MYBPH: variants seen among roughly 807,000 people sequenced by gnomAD.
The protein encoded by MYBPH is myosin binding protein H.
In MYBPH, 49 loss-of-function variants were observed where a neutral mutation model predicts 53.6. That is an observed-to-expected ratio of 0.91 (90% CI 0.73 to 1.16). The LOEUF (loss-of-function observed/expected upper bound fraction) is 1.16. MYBPH is among the 50% of genes most tolerant of loss of function. The probability of loss-of-function intolerance (pLI) is 0.00; values close to 1 mark genes in which losing one functional copy is unlikely to be tolerated. For synonymous variants in MYBPH, 239 were observed against 249.6 expected (o/e 0.96, Z 0.40); for missense variants, 558 against 624.1 (o/e 0.89, Z 1.13).
chr1:203,173,927 C>A (rs769703852), intron 3 of MYBPH, among the ~76,000 whole-genome samples: 12 of 152,244 alleles, frequency 7.9e-5, no homozygotes, highest in Non-Finnish European at 1.5e-4. Context: ...GAGGTATGCC[C>A]TCTGCAATGG....
At chr1:203,170,928 T>C (rs1655681986) in intron 6 of MYBPH, 133 bp downstream of exon 6, 1 of 1,263,144 alleles carries the variant, frequency 7.9e-7, no homozygotes, top group East Asian at 2.5e-5. Flanking sequence ...AAGGGCCTCC[T>C]AGGGAGTCAG....
At chr1:203,179,008 C>T (rs1286531900), upstream of MYBPH, 1 of 158,022 alleles carries the variant, frequency 6.3e-6, no homozygotes, top group Non-Finnish European at 1.4e-5. Flanking sequence ...CGATTACGTT[C>T]CTAAGTGAAG....
chr1:203,175,881 A>C (rs574932721), upstream of MYBPH: 5 of 928,928 alleles, frequency 5.4e-6, no homozygotes, highest in African/African-American at 6.6e-5. Flanking sequence ...CACCCCCAGC[A>C]AACGATTCCC....
At chr1:203,168,753 C>T (rs1655635071) in intron 9 of MYBPH, 78 bp from the exon 10 acceptor site, 2 of 1,603,150 alleles carry the variant, frequency 1.2e-6, no homozygotes, top group African/African-American at 1.3e-5. Flanking sequence ...CCCTCTTCTA[C>T]ACCTGTCCAC....
upstream of MYBPH, among the ~76,000 whole-genome samples, chr1:203,178,113 T>G (rs914212612): frequency 2.6e-5 from 4 of 152,246 alleles, no homozygotes; most frequent in Non-Finnish European, 5.9e-5. Context: ...GGTGAGTATC[T>G]GGAGCCTTTT....
upstream of MYBPH, among the ~76,000 whole-genome samples, chr1:203,176,415 G>A (rs1655810999): frequency 6.6e-6 from 1 of 152,150 alleles, no homozygotes; most frequent in South Asian, 2.1e-4. Flanking sequence ...CCAGGAAGGG[G>A]CACTAAGTCT....
rs1655763848 is a variant in MYBPH, at chr1:203,174,606, A to T, written c.341-9T>A. ...AGGCACCCACTCCGAGGCTGAGGGG[A>T]TGGAGAGAGTGTGAGGTCTTTGCAA... On this transcript the variant is annotated splice_polypyrimidine_tract_variant and intron_variant, in intron 2 of 10. Coordinates refer to ENST00000255416, the MANE Select transcript of MYBPH (RefSeq NM_004997.3). 6.3e-7 allele frequency: 1 copy of T among 1,585,460 alleles called. No individual in the cohort carries two copies. Among genetic ancestry groups the T allele is most frequent in the East Asian group, 2.3e-5 (1 of 44,056 alleles).
upstream of MYBPH, among the ~76,000 whole-genome samples, chr1:203,177,448 C>A (rs1289913666): frequency 1.3e-5 from 2 of 152,238 alleles, no homozygotes; most frequent in East Asian, 3.8e-4. Flanking sequence ...GCATGCTCTT[C>A]CCTTTCCTGA....
intron 2 of MYBPH, 120 bp from the exon 3 acceptor site, chr1:203,174,717 C>T: frequency 8.8e-7 from 1 of 1,141,174 alleles, no homozygotes; most frequent in Non-Finnish European, 1.2e-6. Context: ...GCCTCATTTT[C>T]CCCTTGTTTG....
chr1:203,168,931 A>G lies in MYBPH; in HGVS notation c.1392T>C (p.Ser464=). 6.2e-7 allele frequency: 1 copy of G among 1,614,030 alleles called. No individual in the cohort carries two copies. Among genetic ancestry groups the G allele is most frequent in the Non-Finnish European group, 8.5e-7 (1 of 1,180,012 alleles). Residue 464 remains serine (S), a synonymous_variant, in exon 9 of 11, where the codon TCT becomes TCC. Coordinates refer to ENST00000255416, the MANE Select transcript of MYBPH (RefSeq NM_004997.3). ...CKAINVLGEA[S]VDCRLEVKAS... is the part of the protein sequence containing the mutation. ...CTTTGACCTCCAGCCGGCAGTCCAC[A>G]GATGCCTCCCCCAGCACATTTATGG... is the stretch of plus-strand genomic sequence containing the variant.
upstream of MYBPH, among the ~76,000 whole-genome samples, chr1:203,176,860 G>T (rs569446119): frequency 6.6e-6 from 1 of 152,126 alleles, no homozygotes; most frequent in Non-Finnish European, 1.5e-5. Flanking sequence ...TGACCCAGCC[G>T]TGCCGCTCAT....
Position 203,175,364 on chromosome 1 carries a change from GCCCAGCCTC to G in MYBPH, c.294_302del (p.Arg99_Gly101del). On this transcript the variant is annotated inframe_deletion, in exon 2 of 11. Transcript: ENST00000255416. ...AGAGCTCCAGCACATAGCCCTGGAG[GCCCAGCCTC>G]CCCAGCCTCTCTGGGGGCTCCCAGC... 1 of 1,527,706 alleles carries G rather than the reference GCCCAGCCTC, an allele frequency of 6.5e-7. No individual in the cohort carries two copies. The highest frequency in any genetic ancestry group is 8.8e-7 in the Non-Finnish European group (1 of 1,140,830). 94.6% of individuals were successfully genotyped at this position (1,527,706 alleles called of 1,614,324 possible). A position where few individuals can be genotyped will look rare whatever the true frequency, so the allele number is the denominator to read the frequency against.
upstream of MYBPH, among the ~76,000 whole-genome samples, chr1:203,177,938 G>A (rs1454478450): frequency 6.6e-6 from 1 of 152,254 alleles, no homozygotes; most frequent in South Asian, 2.1e-4. Context: ...GTGACCTTGG[G>A]ATCAGTAGCA....
Position 203,171,633 on chromosome 1 carries a change from C to T in MYBPH, c.598-55G>A. 1.3e-6 allele frequency: 2 copies of T among 1,498,542 alleles called. No homozygotes were observed. Among genetic ancestry groups the T allele is most frequent in the South Asian group, 2.5e-5 (2 of 79,780 alleles). 92.8% of individuals were successfully genotyped at this position (1,498,542 alleles called of 1,614,324 possible). Reference sequence around the variant, plus strand: ...TAGGGAGGTGCCAGAGTCCCCACACCTCCTTAACTCCAGGAGTCTCTGGAG... The same window carrying T: ...TAGGGAGGTGCCAGAGTCCCCACACTTCCTTAACTCCAGGAGTCTCTGGAG... On this transcript the variant is annotated intron_variant, in intron 4 of 10. Coordinates refer to ENST00000255416, the MANE Select transcript of MYBPH (RefSeq NM_004997.3). This position sits in a 1 kb window ranked among gnomAD's most constrained non-coding sequence, Gnocchi z 4.2.
At position 203,174,471 on chromosome 1, in the gene MYBPH, G is replaced by C; in HGVS notation, c.467C>G (p.Pro156Arg). 6.2e-7 allele frequency: 1 copy of C among 1,610,272 alleles called. No individual in the cohort carries two copies. Among genetic ancestry groups the C allele is most frequent in the Non-Finnish European group, 8.5e-7 (1 of 1,177,028 alleles). ...GTGGATGGGCTGGTCCAGCATGGCCGGCGGGCCAGCCCCTGCAGAACTCAC... is the reference window on the plus strand; with the variant it reads ...GTGGATGGGCTGGTCCAGCATGGCCCGCGGGCCAGCCCCTGCAGAACTCAC... ...SAVSSAGAGP[P>R]AMLDQPIHIR... Residue 156 changes from proline (P) to arginine (R), a missense_variant, in exon 3 of 11, where the codon CCG becomes CGG. Transcript: ENST00000255416.
intron 7 of MYBPH, among the ~76,000 whole-genome samples, chr1:203,169,872 A>G (rs1313157877): frequency 6.6e-6 from 1 of 151,824 alleles, no homozygotes; most frequent in African/African-American, 2.4e-5. Context: ...GACAGTAAAT[A>G]CTCCTATCTC....
chr1:203,175,854 A>G, upstream of MYBPH: 1 of 1,224,584 alleles, frequency 8.2e-7, no homozygotes, highest in Admixed American at 2.0e-5. Flanking sequence ...CCAGGCTTAT[A>G]TAGTCAGGGG....
rs1239137230 is a variant in MYBPH, at chr1:203,174,463, G to T, written c.475C>A (p.Leu159Met). 1 of 1,609,762 alleles carries T rather than the reference G, an allele frequency of 6.2e-7. No individual in the cohort carries two copies. Residue 159 changes from leucine to methionine, a missense_variant, in exon 3 of 11, where the codon CTG (leucine) becomes ATG (methionine). Leu to Met is a conservative substitution (Grantham distance 15, BLOSUM62 2). Coordinates refer to ENST00000255416, the MANE Select transcript of MYBPH (RefSeq NM_004997.3). ...TCTCGGATGTGGATGGGCTGGTCCA[G>T]CATGGCCGGCGGGCCAGCCCCTGCA... ...SSAGAGPPAM[L>M]DQPIHIRENI...
chr1:203,176,236 C>T (rs376288908), upstream of MYBPH, among the ~76,000 whole-genome samples: 71 of 152,308 alleles, frequency 4.7e-4, no homozygotes, highest in Middle Eastern at 3.4e-3. Context: ...TTGGGACAAT[C>T]GTCCTTGTGA....
Sources: gnomAD v4.1 joint callset for allele counts (sites outside exome capture counted in the v4.1 genomes callset) on GRCh38, gnomAD v4.1.1 for gene constraint, Gnocchi (gnomAD v3.1) non-coding constraint, MANE v1.5 for transcripts, NCBI Gene and HGNC (gene_info 2026-07-23, HGNC 2026-07-21) for gene names.